CNTN3: variants seen among roughly 807,000 people sequenced by gnomAD.
The protein encoded by CNTN3 is contactin-3.
In CNTN3, 60 loss-of-function variants were observed where a neutral mutation model predicts 119.1. The observed-to-expected ratio is 0.50, with a 90% CI of 0.41 to 0.62. The LOEUF (loss-of-function observed/expected upper bound fraction) is 0.62. Ranked by LOEUF, CNTN3 falls within the 20% of genes least tolerant of loss-of-function variation. The pLI, the probability that CNTN3 is intolerant of heterozygous loss-of-function variation, is 0.00. For synonymous variants in CNTN3, 450 were observed against 438.7 expected, an observed-to-expected ratio of 1.03 and a Z score of -0.32; for missense variants, 1,101 against 1,242.4, an observed-to-expected ratio of 0.89 and a Z score of 1.71.
Position 74,455,465 on chromosome 3 carries a change from G to A in CNTN3, c.359-30525C>T, listed in dbSNP as rs1485231773. Among the ~76,000 whole-genome samples the A allele has an allele frequency of 2.0e-5, 3 of 151,814 alleles. No individual in the cohort carries two copies. In the East Asian group the frequency reaches 5.8e-4, roughly 30 times the overall value. ...TGGTTTGAATTTCCTCCTGTAGCTC[G>A]TAGTTTGATCGTCTGAAGCCTTCTT... On this transcript the variant is annotated intron_variant, in intron 4 of 22. Coordinates refer to ENST00000263665, the MANE Select transcript of CNTN3 (RefSeq NM_020872.3).
intron 5 of CNTN3, among the ~76,000 whole-genome samples, chr3:74,394,596 C>A (rs1348897153): frequency 6.6e-6 from 1 of 152,036 alleles, no homozygotes; most frequent in Non-Finnish European, 1.5e-5. Context: ...AAAGTAAACA[C>A]TAAGAGAAGT....
At chr3:74,357,799 A>C (rs1164872421) in intron 11 of CNTN3, among the ~76,000 whole-genome samples, 2 of 152,094 alleles carry the variant, frequency 1.3e-5, no homozygotes, top group Non-Finnish European at 2.9e-5. Flanking sequence ...AATCAAATAC[A>C]CTTCAAATTT....
intron 20 of CNTN3, among the ~76,000 whole-genome samples, chr3:74,275,400 A>G (rs1701860061): frequency 6.6e-6 from 1 of 152,218 alleles, no homozygotes; most frequent in Admixed American, 6.5e-5. Context: ...TGTGAGACAA[A>G]AGCACCAGGT....
chr3:74,449,761 T>A (rs1702113686), intron 4 of CNTN3, among the ~76,000 whole-genome samples: 1 of 152,138 alleles, frequency 6.6e-6, no homozygotes, highest in Non-Finnish European at 1.5e-5. Flanking sequence ...TGGCATTAAT[T>A]GGTTTTCTAT....
In CNTN3 at chr3:74,334,769, T is replaced by C. The variant is rs1703346849; in HGVS notation, c.1634A>G (p.Lys545Arg). The C allele has an allele frequency of 6.2e-7, 1 of 1,613,490 alleles. No individual in the cohort carries two copies. The highest frequency in any genetic ancestry group is 8.5e-7 in the Non-Finnish European group (1 of 1,179,622). ...TTTCTCAAAGTGAGATCCATCTTTC[T>C]TAAAATCTGCAAGGGCCCCATTGAA... ...WYFNGALADFKKDGSHFEKVG... is the reference protein window; with the variant it reads ...WYFNGALADFRKDGSHFEKVG... The change falls in exon 13 of 23, where the codon AAG becomes AGG. Residue 545 changes from lysine to arginine, a missense_variant. Lys to Arg is a conservative substitution (Grantham distance 26). Transcript: ENST00000263665.
chr3:74,424,926 TA>T lies in CNTN3; in HGVS notation c.372del (p.Phe124LeufsTer5). ...AKLQFAYLENFKTKMRSTVSV... is the reference protein window; with the variant it reads ...AKLQFAYLENXKTKMRSTVSV... ...GACACTGTACTCCTCATTTTGGTTT[TA>T]AAATTTTCAAGATCTGATTTGAAAA... On this transcript the variant is annotated frameshift_variant, in exon 5 of 23. Transcript: ENST00000263665. LOFTEE classifies it high-confidence loss of function. 6.2e-7 allele frequency: 1 copy of T among 1,603,282 alleles called. No individual in the cohort carries two copies. The highest frequency in any genetic ancestry group is 8.5e-7 in the Non-Finnish European group (1 of 1,175,550).
intron 1 of CNTN3, among the ~76,000 whole-genome samples, chr3:74,548,411 A>G (rs1253848288): frequency 6.6e-6 from 1 of 152,170 alleles, no homozygotes; most frequent in Non-Finnish European, 1.5e-5. Flanking sequence ...GCAACTGAAC[A>G]TTATCAAATG....
At chr3:74,589,785 T>G (rs6799445) in intron 1 of CNTN3, among the ~76,000 whole-genome samples, 18,206 of 150,890 alleles carry the variant, frequency 0.12, 2,269 homozygotes, top group African/African-American at 0.31. Flanking sequence ...CCATAAAAAA[T>G]GATGAGTTCA....
At chr3:74,309,334 A>C (rs747383288) in intron 13 of CNTN3, among the ~76,000 whole-genome samples, 56 of 152,094 alleles carry the variant, frequency 3.7e-4, no homozygotes, top group Non-Finnish European at 7.2e-4. Context: ...TGAACTCCTG[A>C]CCTCAAGTGA....
intron 5 of CNTN3, among the ~76,000 whole-genome samples, chr3:74,372,256 C>T (rs1189138898): frequency 6.6e-6 from 1 of 152,080 alleles, no homozygotes; most frequent in Non-Finnish European, 1.5e-5. Flanking sequence ...TTAGTAGGGC[C>T]TCAATAAAGA....
At chr3:74,458,001 C>T (rs1315292085) in intron 4 of CNTN3, among the ~76,000 whole-genome samples, 3 of 151,912 alleles carry the variant, frequency 2.0e-5, no homozygotes, top group South Asian at 2.1e-4. Flanking sequence ...TACTAAGACA[C>T]CTTTGAAAAT....
rs141382625 is a variant in CNTN3, at chr3:74,297,931, C to T, written c.2401+26G>A. Reference sequence around the variant, plus strand: ...CACAAATAATTATTATTAGGCGGAACTGATATACAGTCATGTTTTCCATAC... The same window carrying T: ...CACAAATAATTATTATTAGGCGGAATTGATATACAGTCATGTTTTCCATAC... On this transcript the variant is annotated intron_variant, in intron 18 of 22. Coordinates refer to ENST00000263665, the MANE Select transcript of CNTN3 (RefSeq NM_020872.3). 3.5e-5 allele frequency: 54 copies of T among 1,528,082 alleles called. No individual in the cohort carries two copies. The East Asian group carries it at 1.1e-3, about 31-fold the overall frequency. 94.7% of individuals were successfully genotyped at this position (1,528,082 alleles called of 1,614,324 possible). A position where few individuals can be genotyped will look rare whatever the true frequency, so the allele number is the denominator to read the frequency against.
At chr3:74,449,656 T>A (rs1346625790) in intron 4 of CNTN3, among the ~76,000 whole-genome samples, 1 of 152,104 alleles carries the variant, frequency 6.6e-6, no homozygotes, top group Non-Finnish European at 1.5e-5. Context: ...TTATATATTA[T>A]GCAAGAAAAC....
At chr3:74,329,836 T>A (rs1335846393) in intron 13 of CNTN3, among the ~76,000 whole-genome samples, 1 of 152,248 alleles carries the variant, frequency 6.6e-6, no homozygotes, top group Non-Finnish European at 1.5e-5. Flanking sequence ...GCTAGGCCTG[T>A]ATCTCTTCTT....
intron 5 of CNTN3, among the ~76,000 whole-genome samples, chr3:74,378,381 G>A (rs1704529957): frequency 6.6e-6 from 1 of 152,146 alleles, no homozygotes; most frequent in African/African-American, 2.4e-5. Context: ...GTAAGTTGTT[G>A]CTTTGTGGAT....
At chr3:74,519,422 T>C (rs1379169772) in intron 2 of CNTN3, among the ~76,000 whole-genome samples, 1 of 151,782 alleles carries the variant, frequency 6.6e-6, no homozygotes, top group African/African-American at 2.4e-5. Flanking sequence ...CAATACAAAT[T>C]TCACATAATG....
intron 5 of CNTN3, among the ~76,000 whole-genome samples, chr3:74,387,915 T>C (rs1704794454): frequency 6.6e-6 from 1 of 152,240 alleles, no homozygotes; most frequent in Non-Finnish European, 1.5e-5. Context: ...TAATTTATAT[T>C]TAACATTCTA....
At chr3:74,377,890 TA>T (rs1331121321) in intron 5 of CNTN3, among the ~76,000 whole-genome samples, 1 of 152,202 alleles carries the variant, frequency 6.6e-6, no homozygotes, top group Non-Finnish European at 1.5e-5. Context: ...CTAATACATA[TA>T]ATACTGACAT....
intron 5 of CNTN3, among the ~76,000 whole-genome samples, chr3:74,387,228 C>CTAT (rs1324932590): frequency 6.6e-6 from 1 of 151,984 alleles, no homozygotes; most frequent in Non-Finnish European, 1.5e-5. Flanking sequence ...TGCATAAATA[C>CTAT]TATTATATAT....
Sources: gnomAD v4.1 joint callset for allele counts (sites outside exome capture counted in the v4.1 genomes callset) on GRCh38, gnomAD v4.1.1 for gene constraint, MANE v1.5 for transcripts, NCBI Gene and HGNC (gene_info 2026-07-23, HGNC 2026-07-21) for gene names.